USP10: variants seen among roughly 807,000 people sequenced by gnomAD.
USP10 encodes ubiquitin specific peptidase 10, also known as ubiquitin carboxyl-terminal hydrolase 10.
A neutral mutation model predicts 84.5 loss-of-function variants in USP10; 22 were observed. The observed-to-expected ratio is 0.26, with a 90% confidence interval of 0.19 to 0.37. The LOEUF is 0.37. USP10 is among the 10% of genes least tolerant of loss of function. The pLI is 1.00. For synonymous variants in USP10, 454 were observed against 387.6 expected, an observed-to-expected ratio of 1.17 and a Z score of -2.01; for missense variants, 1,019 against 998.9, an observed-to-expected ratio of 1.02 and a Z score of -0.27.
intron 4 of USP10, among the ~76,000 whole-genome samples, chr16:84,755,168 G>C (rs1276435937): frequency 2.0e-5 from 3 of 150,820 alleles, no homozygotes; most frequent in Non-Finnish European, 1.5e-5. Flanking sequence ...GCCTGGCCCT[G>C]GTGGCTGCTT....
At chr16:84,769,598 G>A (rs944179691) in intron 11 of USP10, among the ~76,000 whole-genome samples, 1 of 151,736 alleles carries the variant, frequency 6.6e-6, no homozygotes, top group African/African-American at 2.4e-5. Flanking sequence ...GGTGACTGTC[G>A]GCTTGGCTCA....
At chr16:84,713,456 T>C (rs959078730) in intron 1 of USP10, among the ~76,000 whole-genome samples, 3 of 152,046 alleles carry the variant, frequency 2.0e-5, no homozygotes, top group Non-Finnish European at 4.4e-5. Context: ...CCTAATACCC[T>C]ACATACCCGC....
chr16:84,740,176 T>C (rs994621723), intron 2 of USP10, 133 bp from the exon 3 acceptor site: 4 of 696,564 alleles, frequency 5.7e-6, no homozygotes, highest in Non-Finnish European at 9.6e-6. Flanking sequence ...TCATGTATGT[T>C]ATTCTGCTAG....
At chr16:84,732,518 C>G in intron 1 of USP10, 3 of 386,252 alleles carry the variant, frequency 7.8e-6, no homozygotes, top group South Asian at 5.3e-5. Context: ...GCGATCTCAG[C>G]TCACTGCAAC....
At chr16:84,750,162 C>CT (rs1911746489) in intron 4 of USP10, among the ~76,000 whole-genome samples, 1 of 152,112 alleles carries the variant, frequency 6.6e-6, no homozygotes, top group Non-Finnish European at 1.5e-5. Context: ...AATCCCAGCA[C>CT]TTTCGGAGGT....
chr16:84,736,119 C>A (rs754371972), intron 2 of USP10, among the ~76,000 whole-genome samples: 7 of 148,802 alleles, frequency 4.7e-5, no homozygotes, highest in Non-Finnish European at 1.0e-4. Flanking sequence ...CGTGTCACTT[C>A]TACAGCACAG....
At chr16:84,700,601 C>T (rs1371106734) in intron 1 of USP10, among the ~76,000 whole-genome samples, 3 of 152,170 alleles carry the variant, frequency 2.0e-5, no homozygotes, top group Non-Finnish European at 2.9e-5. Flanking sequence ...CCTTTCTCAG[C>T]TTGATTGATG....
At chr16:84,717,310 A>T (rs1567595505) in intron 1 of USP10, among the ~76,000 whole-genome samples, 1 of 152,144 alleles carries the variant, frequency 6.6e-6, no homozygotes, top group Admixed American at 6.5e-5. Flanking sequence ...CACCCAAAAA[A>T]GATTAGGAAT....
At chr16:84,746,184 T>G (rs1911204760) in intron 4 of USP10, among the ~76,000 whole-genome samples, 1 of 152,070 alleles carries the variant, frequency 6.6e-6, no homozygotes, top group Admixed American at 6.6e-5. Context: ...TGTTAAGGGT[T>G]CAGCCCAAAG....
rs570641894 is a variant in USP10 at position 84,747,250 on chromosome 16, C to T, written c.1192+1577C>T. On this transcript the variant is annotated intron_variant, in intron 4 of 13. Coordinates refer to ENST00000219473, the MANE Select transcript of USP10 (RefSeq NM_005153.3). ...AAATAAGCTGTTTGGTTTAGGCTTT[C>T]TGTAATACTTTCTGATGTGACCTTT... 2.6e-5 allele frequency among the ~76,000 whole-genome samples: 4 copies of T among 152,294 alleles called. No individual in the cohort carries two copies. In the South Asian group the frequency reaches 6.2e-4, roughly 24 times the overall value.
At chr16:84,769,382 A>G (rs766900844) in intron 11 of USP10, among the ~76,000 whole-genome samples, 2 of 152,166 alleles carry the variant, frequency 1.3e-5, no homozygotes, top group Non-Finnish European at 2.9e-5. Flanking sequence ...AGTTATGCCT[A>G]ATCTTCTACC....
chr16:84,724,795 A>G (rs904633871), intron 1 of USP10, among the ~76,000 whole-genome samples: 1 of 152,172 alleles, frequency 6.6e-6, no homozygotes, highest in Non-Finnish European at 1.5e-5. Flanking sequence ...GTTGATGCTC[A>G]GTGCATATTG....
chr16:84,764,939 A>AAAAAAAAAAAAATAT (rs370383030), intron 10 of USP10, among the ~76,000 whole-genome samples: 3 of 132,254 alleles, frequency 2.3e-5, no homozygotes, highest in Admixed American at 8.0e-5. Context: ...GAGAAAAAAA[A>AAAAAAAAAAAAATAT]ATATATATAT....
intron 2 of USP10, among the ~76,000 whole-genome samples, chr16:84,734,719 CT>C (rs1315169840): frequency 6.6e-6 from 1 of 152,104 alleles, no homozygotes; most frequent in Non-Finnish European, 1.5e-5. Flanking sequence ...TCTTCCCATC[CT>C]TTAGATAACG....
At chr16:84,731,534 T>C (rs1193303657) in intron 1 of USP10, among the ~76,000 whole-genome samples, 1 of 151,776 alleles carries the variant, frequency 6.6e-6, no homozygotes, top group Non-Finnish European at 1.5e-5. Flanking sequence ...AAGAAAAAGG[T>C]GTATGTGACA....
At chr16:84,772,031 G>GA (rs1914507209) in intron 11 of USP10, among the ~76,000 whole-genome samples, 1 of 152,116 alleles carries the variant, frequency 6.6e-6, no homozygotes, top group South Asian at 2.1e-4. Flanking sequence ...GTGCTTATGG[G>GA]AACGTATGCA....
intron 1 of USP10, among the ~76,000 whole-genome samples, chr16:84,720,706 T>A (rs1195522854): frequency 6.8e-6 from 1 of 146,908 alleles, no homozygotes; most frequent in East Asian, 2.1e-4. Flanking sequence ...CTCAGCCTCC[T>A]GAGTAGTTAG....
intron 13 of USP10, 68 bp downstream of exon 13, chr16:84,775,293 G>A (rs1914885335): frequency 1.3e-6 from 2 of 1,534,306 alleles, no homozygotes; most frequent in Middle Eastern, 3.4e-4. Flanking sequence ...GCTGGGCACA[G>A]GTTTGCTGCA....
At chr16:84,732,562 T>A in intron 1 of USP10, 1 of 350,688 alleles carries the variant, frequency 2.9e-6, no homozygotes. Flanking sequence ...TTCTCCTGGC[T>A]CAGCCTCCCG....
Sources: allele counts gnomAD v4.1 joint callset (sites outside exome capture counted in the v4.1 genomes callset), GRCh38; gene constraint gnomAD v4.1.1; transcripts MANE v1.5; gene names NCBI Gene and HGNC (gene_info 2026-07-23, HGNC 2026-07-21).